The following DCLK2 variants were observed in gnomAD, a reference collection of about 807,000 sequenced individuals.
DCLK2 encodes doublecortin like kinase 2, also known as serine/threonine-protein kinase DCLK2.
In DCLK2, 31 loss-of-function variants were observed where a neutral mutation model predicts 78.4. The observed-to-expected ratio is 0.40, with a 90% CI of 0.30 to 0.53. The LOEUF is 0.53. DCLK2 is among the 20% of genes least tolerant of loss of function. The pLI is 0.61. For missense variants in DCLK2, 872 were observed against 973.7 expected (o/e 0.90, Z 1.39); for synonymous variants, 407 against 374.9 (o/e 1.09, Z -0.99).
chr4:150,192,494 A>AAC (rs1403333299), intron 2 of DCLK2, among the ~76,000 whole-genome samples: 15 of 151,456 alleles, frequency 9.9e-5, no homozygotes, highest in African/African-American at 3.6e-4. Context: ...AAAAAAAAAA[A>AAC]ACAAGTGAAA....
At chr4:150,164,678 A>G (rs1054759918) in intron 2 of DCLK2, among the ~76,000 whole-genome samples, 12 of 152,194 alleles carry the variant, frequency 7.9e-5, no homozygotes, top group Non-Finnish European at 1.6e-4. Flanking sequence ...GCACACCTGT[A>G]GTCCCAGCTA....
chr4:150,148,122 C>T (rs1373378493), intron 2 of DCLK2, among the ~76,000 whole-genome samples: 1 of 152,148 alleles, frequency 6.6e-6, no homozygotes, highest in Non-Finnish European at 1.5e-5. Context: ...AATCCTAGGA[C>T]TTTGGGAGGC....
chr4:150,234,573 T>C (rs1742335608), intron 10 of DCLK2, among the ~76,000 whole-genome samples: 1 of 152,262 alleles, frequency 6.6e-6, no homozygotes, highest in African/African-American at 2.4e-5. Context: ...GGGGACTTTT[T>C]ATTTTTTGGC....
intron 2 of DCLK2, among the ~76,000 whole-genome samples, chr4:150,177,358 T>C (rs753169756): frequency 5.3e-5 from 8 of 152,208 alleles, no homozygotes; most frequent in Non-Finnish European, 7.3e-5. Flanking sequence ...GAGTAACAGC[T>C]CTGCATAAAT....
chr4:150,100,440 A>G (rs1730808321), intron 1 of DCLK2, among the ~76,000 whole-genome samples: 1 of 152,164 alleles, frequency 6.6e-6, no homozygotes, highest in Non-Finnish European at 1.5e-5. Flanking sequence ...CTGATATATG[A>G]AATCTGCTCT....
chr4:150,142,037 GT>G (rs1560806859), intron 2 of DCLK2, among the ~76,000 whole-genome samples: 1 of 152,048 alleles, frequency 6.6e-6, no homozygotes, highest in African/African-American at 2.4e-5. Flanking sequence ...AAATTAAACT[GT>G]TTTAGTGTAT....
At chr4:150,183,034 G>GCTGAT (rs1737643764) in intron 2 of DCLK2, among the ~76,000 whole-genome samples, 1 of 152,038 alleles carries the variant, frequency 6.6e-6, no homozygotes, top group East Asian at 1.9e-4. Context: ...CATAAAAAAT[G>GCTGAT]CTGATCTATT....
chr4:150,196,026 C>A (rs1739004559), intron 3 of DCLK2, among the ~76,000 whole-genome samples: 1 of 152,028 alleles, frequency 6.6e-6, no homozygotes, highest in African/African-American at 2.4e-5. Context: ...AAGTCTCAGA[C>A]CTAATTCTGC....
chr4:150,246,553 AACTTGC>A (rs1163347198), intron 12 of DCLK2, among the ~76,000 whole-genome samples: 1 of 152,212 alleles, frequency 6.6e-6, no homozygotes, highest in Non-Finnish European at 1.5e-5. Flanking sequence ...GGTAATACTT[AACTTGC>A]ACTCCTGGAT....
chr4:150,245,215 C>T (rs1305129018), intron 12 of DCLK2, among the ~76,000 whole-genome samples: 1 of 152,074 alleles, frequency 6.6e-6, no homozygotes, highest in African/African-American at 2.4e-5. Context: ...CACTAAGAAA[C>T]GCGTGTGCAT....
chr4:150,181,458 A>G (rs978809190), intron 2 of DCLK2, among the ~76,000 whole-genome samples: 1 of 152,188 alleles, frequency 6.6e-6, no homozygotes, highest in African/African-American at 2.4e-5. Context: ...TATATTTAGA[A>G]GCTCAATATC....
chr4:150,201,067 C>T (rs1739412107), intron 4 of DCLK2, among the ~76,000 whole-genome samples: 2 of 152,198 alleles, frequency 1.3e-5, no homozygotes, highest in Admixed American at 6.5e-5. Flanking sequence ...ATCCACCCGC[C>T]TCAGCCTCCC....
At chr4:150,193,687 A>G (rs1051787736) in intron 3 of DCLK2, among the ~76,000 whole-genome samples, 4 of 152,186 alleles carry the variant, frequency 2.6e-5, no homozygotes, top group Non-Finnish European at 5.9e-5. Context: ...TGAAAGGATA[A>G]TAACTATCAA....
chr4:150,158,877 A>G (rs1735507916), intron 2 of DCLK2, among the ~76,000 whole-genome samples: 1 of 152,082 alleles, frequency 6.6e-6, no homozygotes, highest in African/African-American at 2.4e-5. Context: ...AAGAAAAAAG[A>G]AAGAAATGCA....
chr4:150,232,286 G>A, intron 8 of DCLK2, 51 bp from the exon 9 acceptor site: 1 of 1,592,968 alleles, frequency 6.3e-7, no homozygotes, highest in Non-Finnish European at 8.6e-7. Flanking sequence ...GCCTTCGAGA[G>A]CAGAGGGTTC....
chr4:150,190,747 T>TA (rs953961567), intron 2 of DCLK2, among the ~76,000 whole-genome samples: 11 of 151,982 alleles, frequency 7.2e-5, no homozygotes, highest in Admixed American at 3.3e-4. Flanking sequence ...CTTAATATAC[T>TA]AAAAAAAACA....
intron 2 of DCLK2, among the ~76,000 whole-genome samples, chr4:150,156,952 T>C (rs2150237181): frequency 6.6e-6 from 1 of 151,652 alleles, no homozygotes; most frequent in Non-Finnish European, 1.5e-5. Flanking sequence ...TTATTTTTTG[T>C]AGAGACAAGG....
chr4:150,079,409 G>A lies in DCLK2; in HGVS notation c.382G>A (p.Gly128Ser). ...TGTCCGCACTATCTACACCATCGAC[G>A]GCAGCCGGAAGGTCACCAGCCTGGA... Reference protein sequence around the residue: ...QGVRTIYTIDGSRKVTSLDEL... With the variant: ...QGVRTIYTIDSSRKVTSLDEL... The change falls in exon 1 of 16, where the codon GGC becomes AGC. Residue 128 changes from glycine to serine, a missense_variant. Transcript: ENST00000296550. 2 of 1,559,618 alleles carry A rather than the reference G, an allele frequency of 1.3e-6. No individual in the cohort carries two copies. The highest frequency in any genetic ancestry group is 1.7e-6 in the Non-Finnish European group (2 of 1,148,234).
chr4:150,149,162 T>C (rs1456776816), intron 2 of DCLK2, among the ~76,000 whole-genome samples: 1 of 151,882 alleles, frequency 6.6e-6, no homozygotes, highest in Non-Finnish European at 1.5e-5. Flanking sequence ...ACAGAATCCA[T>C]TTAAATTTTA....
Sources: gnomAD v4.1 joint callset for allele counts (sites outside exome capture counted in the v4.1 genomes callset) on GRCh38, gnomAD v4.1.1 for gene constraint, MANE v1.5 for transcripts, NCBI Gene and HGNC (gene_info 2026-07-23, HGNC 2026-07-21) for gene names.